CPEB1: variants seen among roughly 807,000 people sequenced by gnomAD.
The protein encoded by CPEB1 is cytoplasmic polyadenylation element-binding protein 1.
In CPEB1, 7 loss-of-function variants were observed where a neutral mutation model predicts 65.8. The observed-to-expected ratio is 0.11, with a 90% CI of 0.06 to 0.20. The LOEUF (loss-of-function observed/expected upper bound fraction) is 0.20, where lower values mean the gene tolerates loss of function less well. Among genes scored for constraint, CPEB1 ranks in the 10% least tolerant of loss-of-function variants. The probability of loss-of-function intolerance (pLI) is 1.00; values close to 1 mark genes in which losing one functional copy is unlikely to be tolerated. For synonymous variants in CPEB1, 262 were observed against 260.0 expected (o/e 1.01, Z -0.08); for missense variants, 551 against 712.2 (o/e 0.77, Z 2.58).
chr15:82,543,461 TA>T lies in CPEB1; in HGVS notation c.*1130del, dbSNP rs803695. ...TTTTTGTGGGTTTTTTGTTTCTTTT[TA>T]AAAAAAAAAAAAAAAAAAAAAAGGA... On this transcript the variant is annotated 3_prime_UTR_variant, in exon 13 of 13. Transcript: ENST00000684509. The T allele has an allele frequency of 1.2e-3, 154 of 131,970 alleles. No individual in the cohort carries two copies. Among genetic ancestry groups the T allele is most frequent in the East Asian group, 3.3e-3 (16 of 4,826 alleles). 8.2% of individuals were successfully genotyped at this position (131,970 alleles called of 1,614,324 possible). A position where few individuals can be genotyped will look rare whatever the true frequency, so the allele number is the denominator to read the frequency against.
intron 2 of CPEB1, 86 bp from the exon 3 acceptor site, chr15:82,627,453 G>A: frequency 1.9e-6 from 2 of 1,033,672 alleles, no homozygotes; most frequent in South Asian, 1.7e-5. Flanking sequence ...AGATAAAGTA[G>A]GAAGGACTTA....
chr15:82,589,980 C>T (rs867348572), intron 3 of CPEB1, among the ~76,000 whole-genome samples: 31 of 152,120 alleles, frequency 2.0e-4, no homozygotes, highest in African/African-American at 6.0e-4. Context: ...TCAGGGACTT[C>T]GGCATTTGTG....
At chr15:82,644,319 T>C (rs2047328818) in intron 1 of CPEB1, among the ~76,000 whole-genome samples, 1 of 152,206 alleles carries the variant, frequency 6.6e-6, no homozygotes, top group Non-Finnish European at 1.5e-5. Context: ...CCCTTGATCC[T>C]TTGACATAAC....
At position 82,604,931 on chromosome 15, in the gene CPEB1, G is replaced by C. The variant is rs1349269450; in HGVS notation, c.271+22262C>G. Among the ~76,000 whole-genome samples, 6 of 152,140 alleles carry C rather than the reference G, an allele frequency of 3.9e-5. No homozygotes were observed. In the South Asian group the frequency reaches 1.2e-3, roughly 32 times the overall value. On this transcript the variant is annotated intron_variant, in intron 3 of 12. Transcript: ENST00000684509. ...ACTGCAAGTAGGATAAGCTCAAAGA[G>C]ACCTACACCAAGACACATTAAATGG...
chr15:82,587,919 T>C (rs1010649463), intron 3 of CPEB1, among the ~76,000 whole-genome samples: 4 of 111,062 alleles, frequency 3.6e-5, no homozygotes, highest in Non-Finnish European at 9.0e-5. Context: ...TTTTGTTTTG[T>C]TTTGTTTTTG....
intron 4 of CPEB1, among the ~76,000 whole-genome samples, chr15:82,563,481 G>A (rs985464833): frequency 3.2e-4 from 47 of 147,790 alleles, no homozygotes; most frequent in African/African-American, 9.3e-4. Flanking sequence ...AGTAGCTAGC[G>A]GCATGCCACC....
intron 9 of CPEB1, among the ~76,000 whole-genome samples, chr15:82,550,228 G>T (rs1301881591): frequency 1.3e-5 from 2 of 152,214 alleles, no homozygotes; most frequent in Admixed American, 1.3e-4. Flanking sequence ...GTCTTAAAGG[G>T]CTGGGGCTGA....
rs2034794091 is a variant in CPEB1 at position 82,544,307 on chromosome 15, T to A, written c.*285A>T. The A allele has an allele frequency of 8.5e-6, 2 of 236,364 alleles. No individual in the cohort carries two copies. Among genetic ancestry groups the A allele is most frequent in the Non-Finnish European group, 1.6e-5 (2 of 125,068 alleles). The allele number at this position is 236,364 out of a possible 1,614,324, so 14.6% of individuals were successfully genotyped here. A position where few individuals can be genotyped will look rare whatever the true frequency, so the allele number is the denominator to read the frequency against. ...TTTTTTTTTTTTTCCCCGCTTTTCA[T>A]CTGCAAAATGAGGAACTAAAATCTG... is the stretch of plus-strand genomic sequence containing the variant. On this transcript the variant is annotated 3_prime_UTR_variant, in exon 13 of 13. Transcript: ENST00000684509.
At chr15:82,648,587 C>T (rs1484303535), upstream of CPEB1, 1 of 152,330 alleles carries the variant, frequency 6.6e-6, no homozygotes, top group Admixed American at 6.5e-5. Context: ...TAGAAAGTTT[C>T]ACAGAAATAG....
intron 3 of CPEB1, 147 bp downstream of exon 3, chr15:82,627,046 C>A (rs955602036): frequency 4.5e-5 from 26 of 572,062 alleles, no homozygotes; most frequent in Non-Finnish European, 6.6e-5. Flanking sequence ...GGGATTCAAT[C>A]CATAAACTAA....
intron 1 of CPEB1, among the ~76,000 whole-genome samples, chr15:82,637,349 T>TA (rs1294409298): frequency 6.6e-6 from 1 of 152,180 alleles, no homozygotes; most frequent in African/African-American, 2.4e-5. Flanking sequence ...TCTTCCTATT[T>TA]AAAAAGCAAT....
In CPEB1 at chr15:82,645,097, T is replaced by A. The variant is rs142238479; in HGVS notation, c.-98+2040A>T. 2.5e-4 allele frequency among the ~76,000 whole-genome samples: 38 copies of A among 152,302 alleles called. No individual in the cohort carries two copies. In the East Asian group the frequency reaches 6.7e-3, roughly 27 times the overall value. On this transcript the variant is annotated intron_variant, in intron 1 of 12. Coordinates refer to ENST00000684509, the MANE Select transcript of CPEB1 (RefSeq NM_001365242.1). ...GCTGGCACAACCTCCCTCCCACACA[T>A]GGGAGCCTAGACCAGGGAGTTGTTT...
At chr15:82,622,812 C>T (rs1243401318) in intron 3 of CPEB1, among the ~76,000 whole-genome samples, 1 of 152,202 alleles carries the variant, frequency 6.6e-6, no homozygotes, top group African/African-American at 2.4e-5. Flanking sequence ...ACAAATACTT[C>T]TCTTGGAAGA....
rs1361344888 is a variant in CPEB1 at position 82,626,273 on chromosome 15, A to T, written c.271+920T>A. Among the ~76,000 whole-genome samples, 6 of 151,102 alleles carry T rather than the reference A, an allele frequency of 4.0e-5. No individual in the cohort carries two copies. In the East Asian group the frequency reaches 1.2e-3, roughly 30 times the overall value. ...ACATGGTGAAACCCCATCTCTACTA[A>T]AAATACAAAAATTAGCTGGGTGTGG... On this transcript the variant is annotated intron_variant, in intron 3 of 12. Transcript: ENST00000684509.
At chr15:82,552,718 T>C in intron 8 of CPEB1, 102 bp from the exon 9 acceptor site, 1 of 1,282,538 alleles carries the variant, frequency 7.8e-7, no homozygotes, top group Non-Finnish European at 1.1e-6. Context: ...GAAGGTCTTG[T>C]GTATAAGATA....
chr15:82,608,145 T>C (rs950378209), intron 3 of CPEB1, among the ~76,000 whole-genome samples: 79 of 152,394 alleles, frequency 5.2e-4, no homozygotes, highest in Non-Finnish European at 9.7e-4. Flanking sequence ...CAGGAATATA[T>C]TGAGTTTTTT....
intron 4 of CPEB1, among the ~76,000 whole-genome samples, chr15:82,559,694 GT>G (rs2037858142): frequency 6.6e-6 from 1 of 152,222 alleles, no homozygotes; most frequent in African/African-American, 2.4e-5. Context: ...TTTTGAAGCA[GT>G]TTTCAAAGCT....
At chr15:82,611,592 A>C (rs1483031466) in intron 3 of CPEB1, among the ~76,000 whole-genome samples, 1 of 151,938 alleles carries the variant, frequency 6.6e-6, no homozygotes, top group Non-Finnish European at 1.5e-5. Flanking sequence ...CCCCATCTCT[A>C]CAAAAAAATA....
intron 3 of CPEB1, among the ~76,000 whole-genome samples, chr15:82,614,077 C>T (rs989530571): frequency 9.2e-5 from 14 of 152,248 alleles, no homozygotes; most frequent in African/African-American, 3.4e-4. Flanking sequence ...AGACTCCCTA[C>T]CCTGGGACGG....
Sources: allele counts gnomAD v4.1 joint callset (sites outside exome capture counted in the v4.1 genomes callset), GRCh38; gene constraint gnomAD v4.1.1; transcripts MANE v1.5; gene names NCBI Gene and HGNC (gene_info 2026-07-23, HGNC 2026-07-21).